The following NR3C2 variants were observed in gnomAD, a reference collection of about 807,000 sequenced individuals.
The protein encoded by NR3C2 is nuclear receptor subfamily 3 group C member 2.
A neutral mutation model predicts 86.4 loss-of-function variants in NR3C2; 15 were observed. The observed-to-expected ratio is 0.17, with a 90% CI of 0.12 to 0.27. The LOEUF is 0.27. Among genes scored for constraint, NR3C2 ranks in the 10% least tolerant of loss-of-function variants. The pLI is 1.00. For synonymous variants in NR3C2, 458 were observed against 450.5 expected, an observed-to-expected ratio of 1.02 and a Z score of -0.21; for missense variants, 960 against 1,195.6, an observed-to-expected ratio of 0.80 and a Z score of 2.91.
At chr4:148,284,476 G>C (rs1741417118) in intron 2 of NR3C2, among the ~76,000 whole-genome samples, 1 of 152,184 alleles carries the variant, frequency 6.6e-6, no homozygotes, top group African/African-American at 2.4e-5. Context: ...GCTGTGTTCA[G>C]TAACACTAGC....
At chr4:148,283,897 C>A (rs991490520) in intron 2 of NR3C2, among the ~76,000 whole-genome samples, 1 of 152,178 alleles carries the variant, frequency 6.6e-6, no homozygotes, top group Non-Finnish European at 1.5e-5. Context: ...TCATAACACA[C>A]AGGAGACAAC....
At chr4:148,295,014 T>C (rs1579117341) in intron 2 of NR3C2, among the ~76,000 whole-genome samples, 1 of 151,916 alleles carries the variant, frequency 6.6e-6, no homozygotes, top group Non-Finnish European at 1.5e-5. Context: ...AAATCTACTT[T>C]CTAGTACCAT....
intron 2 of NR3C2, among the ~76,000 whole-genome samples, chr4:148,381,055 T>C (rs1746956743): frequency 6.6e-6 from 1 of 151,902 alleles, no homozygotes; most frequent in Non-Finnish European, 1.5e-5. Flanking sequence ...AGCAAGACCC[T>C]GTCTCTACAA....
chr4:148,253,789 T>C (rs1688101828), intron 3 of NR3C2, among the ~76,000 whole-genome samples: 1 of 152,306 alleles, frequency 6.6e-6, no homozygotes, highest in East Asian at 1.9e-4. Context: ...TTTGTTATGC[T>C]TAATCTTTTC....
At chr4:148,444,444 C>A, upstream of NR3C2, 1 of 986,028 alleles carries the variant, frequency 1.0e-6, no homozygotes, top group Non-Finnish European at 1.2e-6. Context: ...GGGCGCGCAA[C>A]CTGCCTTGCC....
intron 2 of NR3C2, among the ~76,000 whole-genome samples, chr4:148,320,712 T>C (rs148775671): frequency 0.14 from 20,552 of 151,134 alleles, 1,508 homozygotes; most frequent in South Asian, 0.27. Context: ...TCTGTGAGAT[T>C]GGTGGTGATA....
rs548685958 is a variant in NR3C2, at chr4:148,200,507, G to A, written c.1898-5645C>T. Reference sequence around the variant, plus strand: ...GCAAAGAACTGATGATTCTCCCTTCGAAGTGTCTTCTGTGTCCCATCTATA... The same window carrying A: ...GCAAAGAACTGATGATTCTCCCTTCAAAGTGTCTTCTGTGTCCCATCTATA... On this transcript the variant is annotated intron_variant, in intron 3 of 8. Transcript: ENST00000358102. 5.9e-5 allele frequency among the ~76,000 whole-genome samples: 9 copies of A among 152,216 alleles called. No homozygotes were observed. The South Asian group carries it at 8.3e-4, about 14-fold the overall frequency.
chr4:148,345,023 C>A lies in NR3C2; in HGVS notation c.1758-84906G>T, dbSNP rs61761516. Among the ~76,000 whole-genome samples the A allele has an allele frequency of 6.8e-4, 103 of 152,084 alleles. 1 individual carries two copies. Among genetic ancestry groups the A allele is most frequent in the Non-Finnish European group, 7.4e-4 (50 of 67,994 alleles). On this transcript the variant is annotated intron_variant, in intron 2 of 8. Transcript: ENST00000358102. The stretch of plus-strand genomic sequence containing the variant: ...CAAAGCATGCATCCATGAAGGATTT[C>A]TTTTTAACTGTTCTTTCCAAAACTT...
At chr4:148,178,267 G>T (rs960206671) in intron 4 of NR3C2, among the ~76,000 whole-genome samples, 1 of 151,558 alleles carries the variant, frequency 6.6e-6, no homozygotes, top group African/African-American at 2.4e-5. Flanking sequence ...GGAGGCGGAG[G>T]TTTCAGTGAG....
upstream of NR3C2, chr4:148,444,030 G>T: frequency 1.0e-6 from 1 of 985,356 alleles, no homozygotes; most frequent in African/African-American, 1.7e-5. Context: ...AGTCCCCGCC[G>T]AGCGTCCCAA....
At chr4:148,280,219 A>G (rs1741165532) in intron 2 of NR3C2, among the ~76,000 whole-genome samples, 1 of 152,176 alleles carries the variant, frequency 6.6e-6, no homozygotes, top group African/African-American at 2.4e-5. Flanking sequence ...AAAGCATGCT[A>G]TATTTTCATA....
intron 3 of NR3C2, among the ~76,000 whole-genome samples, chr4:148,232,478 TA>T (rs1738516822): frequency 6.6e-6 from 1 of 152,232 alleles, no homozygotes; most frequent in African/African-American, 2.4e-5. Flanking sequence ...ATATTCAGTA[TA>T]CCATGCTGTG....
In NR3C2 at chr4:148,145,847, T is replaced by C. The variant is rs185460023; in HGVS notation, c.2510+6622A>G. On this transcript the variant is annotated intron_variant, in intron 6 of 8. Coordinates refer to ENST00000358102, the MANE Select transcript of NR3C2 (RefSeq NM_000901.5). ...ACTTACCCAGAAATTAAAAAAACAA[T>C]GGAAATCTCAGGAGGAGGTTTCTCA... Among the ~76,000 whole-genome samples, 345 of 151,618 alleles carry C rather than the reference T, an allele frequency of 2.3e-3. 3 individuals carry two copies. The highest frequency in any genetic ancestry group is 7.4e-3 in the African/African-American group (305 of 41,284).
intron 4 of NR3C2, among the ~76,000 whole-genome samples, chr4:148,184,334 C>G (rs1481423650): frequency 6.6e-6 from 1 of 151,296 alleles, no homozygotes; most frequent in Non-Finnish European, 1.5e-5. Flanking sequence ...TGGCGGGCAC[C>G]TGTAATCTCA....
chr4:148,250,657 AG>A (rs1739530676), intron 3 of NR3C2, among the ~76,000 whole-genome samples: 1 of 152,224 alleles, frequency 6.6e-6, no homozygotes, highest in Non-Finnish European at 1.5e-5. Flanking sequence ...AACTCCAGGA[AG>A]AGGATAAACT....
At chr4:148,280,769 A>T (rs1037872564) in intron 2 of NR3C2, among the ~76,000 whole-genome samples, 1 of 152,154 alleles carries the variant, frequency 6.6e-6, no homozygotes, top group East Asian at 1.9e-4. Context: ...AGCCTCCCAC[A>T]TGTGGGGATT....
rs767725710 is a variant in NR3C2 at position 148,436,454 on chromosome 4, T to C, written c.407A>G (p.Asn136Ser). The C allele has an allele frequency of 6.2e-6, 10 of 1,614,096 alleles. No individual in the cohort carries two copies. Among genetic ancestry groups the C allele is most frequent in the Non-Finnish European group, 3.4e-6 (4 of 1,180,046 alleles). The change falls in exon 2 of 9, where the codon AAT becomes AGT. Residue 136 changes from asparagine to serine, a missense_variant. Asn to Ser is a conservative substitution (Grantham distance 46). Transcript: ENST00000358102. The part of the protein sequence containing the change: ...GSMSPAKIYQ[N>S]VEQLVKFYKG... Reference sequence around the variant, plus strand: ...GTAAAATTTCACCAGCTGTTCAACATTCTGATAAATCTTAGCTGGACTCAT... The same window carrying C: ...GTAAAATTTCACCAGCTGTTCAACACTCTGATAAATCTTAGCTGGACTCAT...
chr4:148,413,604 C>T (rs948212728), intron 2 of NR3C2, among the ~76,000 whole-genome samples: 15 of 152,030 alleles, frequency 9.9e-5, no homozygotes, highest in South Asian at 2.1e-4. Context: ...AAGTTTAATG[C>T]GCAGATTAAT....
In NR3C2 at chr4:148,318,346, G is replaced by A. The variant is rs535571915; in HGVS notation, c.1758-58229C>T. Among the ~76,000 whole-genome samples, 223 of 152,026 alleles carry A rather than the reference G, an allele frequency of 1.5e-3. 1 individual carries two copies. The highest frequency in any genetic ancestry group is 3.4e-3 in the Middle Eastern group (1 of 294). On this transcript the variant is annotated intron_variant, in intron 2 of 8. Transcript: ENST00000358102. The stretch of plus-strand genomic sequence containing the variant: ...TGCCGCAATAAACATATGTGTCCAT[G>A]TGTCTTTATAGCAGCATGATTTATA...
Sources: gnomAD v4.1 joint callset for allele counts (sites outside exome capture counted in the v4.1 genomes callset) on GRCh38, gnomAD v4.1.1 for gene constraint, MANE v1.5 for transcripts, NCBI Gene and HGNC (gene_info 2026-07-23, HGNC 2026-07-21) for gene names.